CYYR1: variants seen among roughly 807,000 people sequenced by gnomAD.
The protein encoded by CYYR1 is cysteine and tyrosine-rich protein 1.
CYYR1 carries 14 observed loss-of-function variants against 15.2 expected under a neutral mutation model. That is an observed-to-expected ratio of 0.92 (90% CI 0.61 to 1.44). The LOEUF (loss-of-function observed/expected upper bound fraction) is 1.44. CYYR1 is among the 40% of genes most tolerant of loss of function. CYYR1 has a pLI of 0.00. For missense variants in CYYR1, 228 were observed against 209.5 expected, an observed-to-expected ratio of 1.09 and a Z score of -0.54; for synonymous variants, 80 against 77.4, an observed-to-expected ratio of 1.03 and a Z score of -0.18.
chr21:26,533,545 T>C (rs545970352), intron 2 of CYYR1, among the ~76,000 whole-genome samples: 2 of 152,274 alleles, frequency 1.3e-5, no homozygotes, highest in South Asian at 4.1e-4. Flanking sequence ...GTGCTGTCAG[T>C]TGATTGGAGG....
intron 2 of CYYR1, among the ~76,000 whole-genome samples, chr21:26,512,996 C>T (rs967787711): frequency 9.2e-5 from 14 of 152,194 alleles, no homozygotes; most frequent in East Asian, 1.9e-4. Context: ...CTCTCCAGCT[C>T]GCCCACCTAC....
At position 26,467,215 on chromosome 21, in the gene CYYR1, A is replaced by G. The variant is rs189482989; in HGVS notation, c.*1286T>C. ...TTCAATATACAATTTTTATAAATAC[A>G]TGAAACAATTCATATAAAAATATAA... On this transcript the variant is annotated 3_prime_UTR_variant, in exon 4 of 4. Coordinates refer to ENST00000652641, the MANE Select transcript of CYYR1 (RefSeq NM_001320768.2). 2.8e-4 allele frequency: 42 copies of G among 152,298 alleles called. No individual in the cohort carries two copies. In the East Asian group the frequency reaches 3.9e-3, roughly 14 times the overall value. 9.4% of individuals were successfully genotyped at this position (152,298 alleles called of 1,614,324 possible). A position where few individuals can be genotyped will look rare whatever the true frequency, so the allele number is the denominator to read the frequency against.
At chr21:26,511,083 C>T (rs914109104) in intron 2 of CYYR1, among the ~76,000 whole-genome samples, 3 of 152,162 alleles carry the variant, frequency 2.0e-5, no homozygotes, top group Non-Finnish European at 2.9e-5. Context: ...GTTATTGTAG[C>T]ATGCCATTTA....
intron 1 of CYYR1, among the ~76,000 whole-genome samples, chr21:26,567,329 T>C (rs1444166486): frequency 6.6e-6 from 1 of 152,190 alleles, no homozygotes; most frequent in Non-Finnish European, 1.5e-5. Flanking sequence ...TAATGTCAGA[T>C]TGAGGAATCA....
intron 2 of CYYR1, among the ~76,000 whole-genome samples, chr21:26,554,228 T>C (rs539756381): frequency 1.3e-5 from 2 of 152,194 alleles, no homozygotes; most frequent in Non-Finnish European, 2.9e-5. Flanking sequence ...AGAACACCAC[T>C]GTGTGCATTA....
intron 2 of CYYR1, among the ~76,000 whole-genome samples, chr21:26,531,418 A>G (rs1825252702): frequency 6.6e-6 from 1 of 152,032 alleles, no homozygotes; most frequent in South Asian, 2.1e-4. Flanking sequence ...TATAATCCCC[A>G]CGTGTTGAAG....
At chr21:26,513,710 G>A (rs1161982118) in intron 2 of CYYR1, among the ~76,000 whole-genome samples, 1 of 152,062 alleles carries the variant, frequency 6.6e-6, no homozygotes, top group Non-Finnish European at 1.5e-5. Context: ...TTAGCAAGGA[G>A]AGGACAGAGG....
intron 2 of CYYR1, among the ~76,000 whole-genome samples, chr21:26,492,608 C>T (rs548145249): frequency 6.6e-6 from 1 of 152,040 alleles, no homozygotes; most frequent in Admixed American, 6.6e-5. Flanking sequence ...TATCTTTCAT[C>T]TAAACATATA....
intron 3 of CYYR1, among the ~76,000 whole-genome samples, chr21:26,474,261 G>A (rs1193697679): frequency 6.6e-6 from 1 of 151,776 alleles, no homozygotes; most frequent in African/African-American, 2.4e-5. Flanking sequence ...CACCATGTTG[G>A]TCAGGCTGGT....
chr21:26,546,645 GA>G (rs914630488), intron 2 of CYYR1, among the ~76,000 whole-genome samples: 1 of 152,220 alleles, frequency 6.6e-6, no homozygotes, highest in Admixed American at 6.5e-5. Context: ...AATTGAAGTA[GA>G]AAGAGGTCAT....
chr21:26,572,904 AGACCCCTG>A lies in CYYR1; in HGVS notation c.29_36del (p.Pro10LeufsTer14), dbSNP rs1404823233. The A allele has an allele frequency of 4.3e-6, 7 of 1,613,958 alleles. No individual in the cohort carries two copies. Among genetic ancestry groups the A allele is most frequent in the Admixed American group, 1.7e-5 (1 of 60,002 alleles). On this transcript the variant is annotated frameshift_variant, in exon 1 of 4. Transcript: ENST00000652641. LOFTEE classifies it high-confidence loss of function. The stretch of plus-strand genomic sequence containing the variant: ...AAGAGCAGGACCAACTTCGGAAGCA[AGACCCCTG>A]GACGCACGGGTAGCCTCGGAGCGTC...
chr21:26,513,252 C>T (rs2065675583), intron 2 of CYYR1, among the ~76,000 whole-genome samples: 1 of 152,210 alleles, frequency 6.6e-6, no homozygotes, highest in Non-Finnish European at 1.5e-5. Context: ...CTTAGTCTTG[C>T]ACTCATTTCA....
intron 2 of CYYR1, among the ~76,000 whole-genome samples, chr21:26,515,145 A>G (rs917066202): frequency 6.6e-6 from 1 of 152,192 alleles, no homozygotes; most frequent in Non-Finnish European, 1.5e-5. Context: ...TAAGTAATCT[A>G]AGAACATACT....
At chr21:26,532,996 A>G (rs2065951497) in intron 2 of CYYR1, among the ~76,000 whole-genome samples, 1 of 151,918 alleles carries the variant, frequency 6.6e-6, no homozygotes, top group South Asian at 2.1e-4. Flanking sequence ...AAGGTATCTT[A>G]TTATGTATAT....
chr21:26,532,710 A>T (rs2065947147), intron 2 of CYYR1, among the ~76,000 whole-genome samples: 1 of 152,120 alleles, frequency 6.6e-6, no homozygotes. Context: ...CATATTTTCA[A>T]CTAAGTACTT....
rs989573073 is a variant in CYYR1, at chr21:26,467,126, T to C, written c.*1375A>G. The C allele has an allele frequency of 6.6e-6, 1 of 152,194 alleles. No homozygotes were observed. The highest frequency in any genetic ancestry group is 2.4e-5 in the African/African-American group (1 of 41,462). The allele number at this position is 152,194 out of a possible 1,614,324, so 9.4% of individuals were successfully genotyped here. A position where few individuals can be genotyped will look rare whatever the true frequency, so the allele number is the denominator to read the frequency against. Reference sequence around the variant, plus strand: ...ATTTCACTGAATTTTGATGATGATATTGGATTAAGCATTTTAGATTTAATT... The same window carrying C: ...ATTTCACTGAATTTTGATGATGATACTGGATTAAGCATTTTAGATTTAATT... On this transcript the variant is annotated 3_prime_UTR_variant, in exon 4 of 4. Transcript: ENST00000652641.
intron 2 of CYYR1, among the ~76,000 whole-genome samples, chr21:26,499,217 T>C (rs2065447686): frequency 6.6e-6 from 1 of 152,034 alleles, no homozygotes; most frequent in Non-Finnish European, 1.5e-5. Flanking sequence ...AGGTGTAGGG[T>C]TCATACTGGA....
rs147779608 is a variant in CYYR1, at chr21:26,509,851, G to A, written c.177-29422C>T. ...AGTACCATGATCTCACCCAACTGGG[G>A]GTTAAGGCTGACTGGGAAGTATGAT... On this transcript the variant is annotated intron_variant, in intron 2 of 3. Coordinates refer to ENST00000652641, the MANE Select transcript of CYYR1 (RefSeq NM_001320768.2). Among the ~76,000 whole-genome samples, 280 of 152,286 alleles carry A rather than the reference G, an allele frequency of 1.8e-3. 3 individuals are homozygous for A. The highest frequency in any genetic ancestry group is 0.017 in the East Asian group (90 of 5,182).
chr21:26,545,784 C>T (rs551133538), intron 2 of CYYR1, among the ~76,000 whole-genome samples: 111 of 151,778 alleles, frequency 7.3e-4, no homozygotes, highest in African/African-American at 2.6e-3. Context: ...GGGGTTTCAC[C>T]GTGTTAGCCA....
Sources: allele counts gnomAD v4.1 joint callset (sites outside exome capture counted in the v4.1 genomes callset), GRCh38; gene constraint gnomAD v4.1.1; transcripts MANE v1.5; gene names NCBI Gene and HGNC (gene_info 2026-07-23, HGNC 2026-07-21).